IARS1: variants seen among roughly 807,000 people sequenced by gnomAD.
The protein encoded by IARS1 is isoleucine--tRNA ligase, cytoplasmic.
A neutral mutation model predicts 168.2 loss-of-function variants in IARS1; 124 were observed. The observed-to-expected ratio is 0.74, with a 90% CI of 0.64 to 0.86. IARS1 has a LOEUF of 0.86. Among genes scored for constraint, IARS1 ranks in the 40% least tolerant of loss-of-function variants. IARS1 has a pLI of 0.00. For missense variants in IARS1, 1,452 were observed against 1,515.8 expected (o/e 0.96, Z 0.70); for synonymous variants, 532 against 529.4 (o/e 1.00, Z -0.07).
intron 1 of IARS1, among the ~76,000 whole-genome samples, chr9:92,292,744 A>T (rs1193192196): frequency 3.9e-5 from 6 of 151,944 alleles, no homozygotes; most frequent in African/African-American, 1.5e-4. Flanking sequence ...CCGTTCAGCA[A>T]TTTCGAGACC....
chr9:92,262,635 T>TA (rs1322182127), intron 17 of IARS1, among the ~76,000 whole-genome samples: 2 of 151,926 alleles, frequency 1.3e-5, no homozygotes, highest in Non-Finnish European at 2.9e-5. Context: ...CCTCGTGTGT[T>TA]AAAAAAAGGA....
At chr9:92,215,476 G>A (rs1838512942) in intron 33 of IARS1, among the ~76,000 whole-genome samples, 2 of 152,160 alleles carry the variant, frequency 1.3e-5, no homozygotes, top group Admixed American at 6.5e-5. Flanking sequence ...ATTACTCTGA[G>A]CTATGGGAGG....
At chr9:92,217,445 G>C (rs1166182963) in intron 33 of IARS1, among the ~76,000 whole-genome samples, 2 of 139,786 alleles carry the variant, frequency 1.4e-5, no homozygotes, top group Admixed American at 7.0e-5. Context: ...GAAGGAAATA[G>C]AGACACAAAA....
At chr9:92,260,955 G>A (rs1831439743) in intron 17 of IARS1, among the ~76,000 whole-genome samples, 1 of 152,098 alleles carries the variant, frequency 6.6e-6, no homozygotes, top group Admixed American at 6.6e-5. Context: ...ATTTATCCAT[G>A]GAAAGGAAGG....
chr9:92,269,909 A>T lies in IARS1; in HGVS notation c.1280T>A (p.Leu427Gln). The T allele has an allele frequency of 6.2e-7, 1 of 1,613,278 alleles. No individual in the cohort carries two copies. Among genetic ancestry groups the T allele is most frequent in the Non-Finnish European group, 8.5e-7 (1 of 1,179,254 alleles). ...VRVENMVDQL[L>Q]RNNDLCYWVP... ...CCAGTAGCACAGGTCATTGTTCCTT[A>T]GGAGCTGGTCCACCATGTTCTCCAC... Residue 427 changes from leucine to glutamine, a missense_variant, in exon 13 of 34, where the codon CTA becomes CAA. Coordinates refer to ENST00000443024, the MANE Select transcript of IARS1 (RefSeq NM_002161.6).
chr9:92,244,211 T>C (rs1257296248), intron 27 of IARS1, among the ~76,000 whole-genome samples: 1 of 152,194 alleles, frequency 6.6e-6, no homozygotes, highest in Admixed American at 6.5e-5. Flanking sequence ...CCACTGTCAG[T>C]GTTTAGAAAC....
At chr9:92,292,009 A>C (rs887620095) in intron 1 of IARS1, among the ~76,000 whole-genome samples, 1 of 142,124 alleles carries the variant, frequency 7.0e-6, no homozygotes, top group African/African-American at 2.8e-5. Flanking sequence ...TGAGAAGAGG[A>C]TCATTCCTTT....
chr9:92,263,850 T>A (rs1312469584), intron 16 of IARS1, among the ~76,000 whole-genome samples: 4 of 152,212 alleles, frequency 2.6e-5, no homozygotes, highest in Admixed American at 6.5e-5. Context: ...TGGTAAGGCA[T>A]CTACCCCTTT....
At position 92,265,703 on chromosome 9, in the gene IARS1, G is replaced by T. The variant is rs554464451; in HGVS notation, c.1432-150C>A. The T allele has an allele frequency of 5.9e-6, 4 of 678,316 alleles. No homozygotes were observed. In the East Asian group the frequency reaches 1.1e-4, roughly 18 times the overall value. 42.0% of individuals were successfully genotyped at this position (678,316 alleles called of 1,614,324 possible). A position where few individuals can be genotyped will look rare whatever the true frequency, so the allele number is the denominator to read the frequency against. On this transcript the variant is annotated intron_variant, in intron 14 of 33. Coordinates refer to ENST00000443024, the MANE Select transcript of IARS1 (RefSeq NM_002161.6). ...ATAGGGTCTCACTACCATTGCCCAGGCTGGAGTGCAGTGGCACAATCACAG... is the reference window on the plus strand; with the variant it reads ...ATAGGGTCTCACTACCATTGCCCAGTCTGGAGTGCAGTGGCACAATCACAG...
At chr9:92,280,446 A>AC in intron 7 of IARS1, among the ~76,000 whole-genome samples, 1 of 152,332 alleles carries the variant, frequency 6.6e-6, no homozygotes, top group Middle Eastern at 3.4e-3. Context: ...ACGTGATGCC[A>AC]CATCGCTGAA....
chr9:92,227,761 C>T lies in IARS1; in HGVS notation c.3409+1240G>A, dbSNP rs1302243846. Among the ~76,000 whole-genome samples, 10 of 151,966 alleles carry T rather than the reference C, an allele frequency of 6.6e-5. No individual in the cohort carries two copies. The South Asian group carries it at 1.5e-3, about 22-fold the overall frequency. On this transcript the variant is annotated intron_variant, in intron 31 of 33. Transcript: ENST00000443024. ...TGGGCGGCCGGGCAGAGACGCTCCT[C>T]ACTTCCTAGATGGGATGGCGGCCGG...
chr9:92,292,586 C>T (rs1836542677), intron 1 of IARS1: 1 of 155,304 alleles, frequency 6.4e-6, no homozygotes, highest in South Asian at 2.0e-4. Flanking sequence ...ATCCAGCAAC[C>T]ACAGGGCAGG....
chr9:92,256,022 T>TA (rs34796593), intron 20 of IARS1, among the ~76,000 whole-genome samples: 8,822 of 139,630 alleles, frequency 0.063, 365 homozygotes, highest in Middle Eastern at 0.24. Flanking sequence ...TATGTACCCA[T>TA]AAAAAAAAAA....
chr9:92,216,214 G>A (rs1380215426), intron 33 of IARS1, among the ~76,000 whole-genome samples: 4 of 149,214 alleles, frequency 2.7e-5, no homozygotes, highest in African/African-American at 9.8e-5. Flanking sequence ...TTACAGACAA[G>A]CAAATGCTGA....
chr9:92,271,836 G>A (rs1833086295), intron 10 of IARS1, among the ~76,000 whole-genome samples, 181 bp from the exon 11 acceptor site: 1 of 152,168 alleles, frequency 6.6e-6, no homozygotes, highest in Non-Finnish European at 1.5e-5. Context: ...TTGGACAGGG[G>A]TTAGGTCACC....
At chr9:92,251,179 G>A (rs1312492364) in intron 22 of IARS1, 3 of 463,286 alleles carry the variant, frequency 6.5e-6, no homozygotes, top group African/African-American at 2.0e-5. Flanking sequence ...AATACCCCCT[G>A]CTTCACAGGA....
At chr9:92,245,589 C>T (rs1349814054) in intron 26 of IARS1, among the ~76,000 whole-genome samples, 3 of 152,090 alleles carry the variant, frequency 2.0e-5, no homozygotes, top group African/African-American at 7.2e-5. Flanking sequence ...GTTAACACCC[C>T]CGCTGATAGG....
chr9:92,286,784 AC>A (rs1338095248), intron 4 of IARS1, among the ~76,000 whole-genome samples, 166 bp from the exon 5 acceptor site: 1 of 152,202 alleles, frequency 6.6e-6, no homozygotes, highest in African/African-American at 2.4e-5. Flanking sequence ...AAGGTTAAGA[AC>A]CAGTTTTCTC....
Position 92,287,879 on chromosome 9 carries a change from C to T in IARS1, c.308G>A (p.Arg103Lys). 6.2e-7 allele frequency: 1 copy of T among 1,613,940 alleles called. No individual in the cohort carries two copies. The highest frequency in any genetic ancestry group is 8.5e-7 in the Non-Finnish European group (1 of 1,179,922). The change falls in exon 4 of 34, where the codon AGA (arginine) becomes AAA (lysine). Residue 103 changes from arginine to lysine, a missense_variant. By Grantham distance (26) the Arg-to-Lys change is conservative. Coordinates refer to ENST00000443024, the MANE Select transcript of IARS1 (RefSeq NM_002161.6). ...EYEIDKTLGI[R>K]GPEDVAKMGI... is the part of the protein sequence containing the mutation. ...CATTTTGGCCACATCCTCTGGTCCTCTGATTCCCAGTGTCTTATCAATTTC... is the reference window on the plus strand; with the variant it reads ...CATTTTGGCCACATCCTCTGGTCCTTTGATTCCCAGTGTCTTATCAATTTC...
Sources: allele counts gnomAD v4.1 joint callset (sites outside exome capture counted in the v4.1 genomes callset), GRCh38; gene constraint gnomAD v4.1.1; transcripts MANE v1.5; gene names NCBI Gene and HGNC (gene_info 2026-07-23, HGNC 2026-07-21).